ACAP2: variants seen among roughly 807,000 people sequenced by gnomAD.
The protein encoded by ACAP2 is ArfGAP with coiled-coil, ankyrin repeat and PH domains 2.
Under a neutral mutation model 115.8 loss-of-function variants are expected in ACAP2, and 39 were observed. The observed-to-expected ratio is 0.34, with a 90% CI of 0.26 to 0.44. The LOEUF is 0.44. Among genes scored for constraint, ACAP2 ranks in the 20% least tolerant of loss-of-function variants. The probability of loss-of-function intolerance (pLI) is 1.00; values close to 1 mark genes in which losing one functional copy is unlikely to be tolerated. For synonymous variants in ACAP2, 289 were observed against 315.8 expected (o/e 0.92, Z 0.90); for missense variants, 662 against 927.6 (o/e 0.71, Z 3.72).
intron 5 of ACAP2, 88 bp downstream of exon 5, chr3:195,345,171 T>C: frequency 1.2e-6 from 1 of 867,950 alleles, no homozygotes; most frequent in East Asian, 2.5e-5. Flanking sequence ...CAATAATTCA[T>C]GGTATATAAC....
At chr3:195,414,127 T>C (rs982777100) in intron 1 of ACAP2, among the ~76,000 whole-genome samples, 2 of 152,194 alleles carry the variant, frequency 1.3e-5, no homozygotes, top group African/African-American at 2.4e-5. Flanking sequence ...ACACACCTAT[T>C]AGAATGATCA....
At chr3:195,430,477 G>A (rs1445801678) in intron 1 of ACAP2, among the ~76,000 whole-genome samples, 1 of 152,188 alleles carries the variant, frequency 6.6e-6, no homozygotes, top group African/African-American at 2.4e-5. Flanking sequence ...ACTTTGGGAG[G>A]CCGAGGTAGG....
At chr3:195,425,297 T>G (rs1452248511) in intron 1 of ACAP2, among the ~76,000 whole-genome samples, 1 of 152,168 alleles carries the variant, frequency 6.6e-6, no homozygotes, top group Non-Finnish European at 1.5e-5. Context: ...TAAAAGGAAA[T>G]TTAAATAAGA....
intron 4 of ACAP2, among the ~76,000 whole-genome samples, chr3:195,370,646 C>T (rs1733064358): frequency 6.6e-6 from 1 of 151,928 alleles, no homozygotes; most frequent in Non-Finnish European, 1.5e-5. Context: ...TTACTGGGGC[C>T]CTGTAGCATA....
At chr3:195,342,788 G>A (rs1443191969) in intron 5 of ACAP2, 134 bp from the exon 6 acceptor site, 1 of 584,624 alleles carries the variant, frequency 1.7e-6, no homozygotes, top group African/African-American at 1.9e-5. Flanking sequence ...GAGGTCAAGA[G>A]ATCGAGACCA....
At chr3:195,287,832 G>A (rs774047972) in intron 21 of ACAP2, among the ~76,000 whole-genome samples, 5 of 152,090 alleles carry the variant, frequency 3.3e-5, no homozygotes, top group Non-Finnish European at 5.9e-5. Flanking sequence ...AGCCGGGCAC[G>A]GTGACTCACG....
intron 1 of ACAP2, among the ~76,000 whole-genome samples, chr3:195,416,925 CTTTTT>C (rs151106936): frequency 6.8e-6 from 1 of 147,178 alleles, no homozygotes; most frequent in Non-Finnish European, 1.5e-5. Flanking sequence ...GATCTCAAGT[CTTTTT>C]TTTTTAAGAG....
chr3:195,367,873 A>G (rs889264891), intron 4 of ACAP2, among the ~76,000 whole-genome samples: 3 of 152,206 alleles, frequency 2.0e-5, no homozygotes, highest in African/African-American at 7.2e-5. Flanking sequence ...TCCTTCAGCC[A>G]CAGTCAAGCC....
At chr3:195,366,522 T>C (rs148911507) in intron 4 of ACAP2, among the ~76,000 whole-genome samples, 12 of 152,280 alleles carry the variant, frequency 7.9e-5, no homozygotes, top group African/African-American at 2.9e-4. Flanking sequence ...GTCAGAACTA[T>C]AGAATCGCTA....
At chr3:195,421,826 T>C (rs145055717) in intron 1 of ACAP2, among the ~76,000 whole-genome samples, 143 of 152,354 alleles carry the variant, frequency 9.4e-4, no homozygotes, top group African/African-American at 3.3e-3. Flanking sequence ...CCTGGAAAGA[T>C]TATTTCTAAA....
At chr3:195,376,825 T>C (rs964476172) in intron 4 of ACAP2, among the ~76,000 whole-genome samples, 1 of 152,202 alleles carries the variant, frequency 6.6e-6, no homozygotes, top group Non-Finnish European at 1.5e-5. Flanking sequence ...CTTTTATCCT[T>C]ACACAAACTG....
Position 195,306,512 on chromosome 3 carries a change from T to C in ACAP2, c.1115A>G (p.Glu372Gly). Reference sequence around the variant, plus strand: ...GGTATTGCTAATACCTCTACTAACCTCTGATTCATCACCCTTCTCTCTATA... The same window carrying C: ...GGTATTGCTAATACCTCTACTAACCCCTGATTCATCACCCTTCTCTCTATA... The part of the protein sequence containing the change: ...TAYREKGDES[E>G]KLDKKSSPST... The change falls in exon 13 of 23, where the codon GAG becomes GGG. Residue 372 changes from glutamate (E) to glycine (G), a missense_variant and splice_region_variant. Physicochemically the swap from Glu to Gly is moderately conservative, Grantham distance 98. Around this residue, in one of 3 missense-constraint regions of ACAP2, gnomAD observed 401 missense variants for 604.4 expected, o/e 0.66. Coordinates refer to ENST00000326793, the MANE Select transcript of ACAP2 (RefSeq NM_012287.6). 6.2e-7 allele frequency: 1 copy of C among 1,602,252 alleles called. No individual in the cohort carries two copies. The highest frequency in any genetic ancestry group is 8.5e-7 in the Non-Finnish European group (1 of 1,174,644).
chr3:195,414,253 G>C (rs1713530534), intron 1 of ACAP2, among the ~76,000 whole-genome samples: 1 of 152,158 alleles, frequency 6.6e-6, no homozygotes, highest in Non-Finnish European at 1.5e-5. Context: ...CAGTTAAGCA[G>C]TTTCTTTAAA....
At chr3:195,360,683 G>GA (rs1306345784) in intron 4 of ACAP2, among the ~76,000 whole-genome samples, 5 of 152,078 alleles carry the variant, frequency 3.3e-5, no homozygotes, top group African/African-American at 1.2e-4. Context: ...AATTCCAGCA[G>GA]TTTGGGAAGC....
chr3:195,300,347 A>G (rs1369331019), intron 15 of ACAP2, among the ~76,000 whole-genome samples: 1 of 152,124 alleles, frequency 6.6e-6, no homozygotes, highest in Non-Finnish European at 1.5e-5. Flanking sequence ...ACCCGGCCAC[A>G]GGATTTCAGA....
At chr3:195,330,734 G>A (rs991304976) in intron 8 of ACAP2, among the ~76,000 whole-genome samples, 6 of 152,142 alleles carry the variant, frequency 3.9e-5, no homozygotes, top group African/African-American at 9.7e-5. Context: ...AGCAGGTCAC[G>A]TGGCTACCTG....
rs1056096941 is a variant in ACAP2, at chr3:195,275,426, T to C, written c.*3902A>G. On this transcript the variant is annotated 3_prime_UTR_variant, in exon 23 of 23. Coordinates refer to ENST00000326793, the MANE Select transcript of ACAP2 (RefSeq NM_012287.6). ...AATGTTTTGCTTTCATTAATGTTTG[T>C]TATTGCAAAAATGTAAGATTTCCTA... 5.3e-5 allele frequency: 8 copies of C among 152,226 alleles called. No homozygotes were observed. Among genetic ancestry groups the C allele is most frequent in the African/African-American group, 1.9e-4 (8 of 41,456 alleles). The allele number at this position is 152,226 out of a possible 1,614,324, so 9.4% of individuals were successfully genotyped here.
intron 1 of ACAP2, among the ~76,000 whole-genome samples, chr3:195,432,015 ATACT>A (rs915003817): frequency 3.9e-5 from 6 of 152,342 alleles, no homozygotes; most frequent in South Asian, 2.1e-4. Flanking sequence ...CTTTGAAGAA[ATACT>A]TACTCAAATC....
intron 1 of ACAP2, among the ~76,000 whole-genome samples, chr3:195,420,745 T>C (rs1175684962): frequency 1.3e-5 from 2 of 150,800 alleles, no homozygotes; most frequent in East Asian, 3.9e-4. Flanking sequence ...CAGGTTCAAG[T>C]GATTCTCCCG....
Sources: gnomAD v4.1 joint callset for allele counts (sites outside exome capture counted in the v4.1 genomes callset) on GRCh38, gnomAD v4.1.1 for gene constraint, gnomAD v4.1.1 regional missense constraint, MANE v1.5 for transcripts, NCBI Gene and HGNC (gene_info 2026-07-23, HGNC 2026-07-21) for gene names.